HOMER1: variants seen among roughly 807,000 people sequenced by gnomAD.
The protein encoded by HOMER1 is homer protein homolog 1.
Under a neutral mutation model 48.9 loss-of-function variants are expected in HOMER1, and 3 were observed. That is an observed-to-expected ratio of 0.06 (90% confidence interval 0.03 to 0.16). The LOEUF is 0.16. HOMER1 is among the 10% of genes least tolerant of loss of function. The pLI, the probability that HOMER1 is intolerant of heterozygous loss-of-function variation, is 1.00. For missense variants in HOMER1, 247 were observed against 411.4 expected (o/e 0.60, Z 3.46); for synonymous variants, 134 against 146.4 (o/e 0.92, Z 0.61).
chr5:79,490,979 A>G (rs1307324016), intron 1 of HOMER1, among the ~76,000 whole-genome samples: 1 of 149,974 alleles, frequency 6.7e-6, no homozygotes, highest in African/African-American at 2.5e-5. Context: ...GAAATATAAT[A>G]CAAGGGAAAA....
intron 8 of HOMER1, among the ~76,000 whole-genome samples, chr5:79,396,493 C>G (rs191068824): frequency 4.0e-4 from 61 of 152,044 alleles, no homozygotes; most frequent in African/African-American, 1.4e-3. Context: ...AGTGATCCTC[C>G]TCCTCAGCAT....
chr5:79,495,105 A>C (rs1475773394), intron 1 of HOMER1, among the ~76,000 whole-genome samples: 1 of 152,212 alleles, frequency 6.6e-6, no homozygotes, highest in African/African-American at 2.4e-5. Flanking sequence ...TAATTTTATA[A>C]ATATACACAT....
intron 4 of HOMER1, among the ~76,000 whole-genome samples, chr5:79,446,361 C>G (rs369766609): frequency 2.6e-5 from 4 of 152,270 alleles, no homozygotes; most frequent in African/African-American, 9.6e-5. Flanking sequence ...CGGCTTTCCC[C>G]TCACTCCTGC....
chr5:79,379,131 A>ATTTT (rs1748871538), intron 8 of HOMER1, among the ~76,000 whole-genome samples: 1 of 105,076 alleles, frequency 9.5e-6, no homozygotes, highest in African/African-American at 3.8e-5. Flanking sequence ...ATAAATATTT[A>ATTTT]TTTATATATA....
At chr5:79,459,715 C>G (rs6862377) in intron 1 of HOMER1, among the ~76,000 whole-genome samples, 40,511 of 152,090 alleles carry the variant, frequency 0.27, 5,538 homozygotes, top group South Asian at 0.39. Flanking sequence ...AATTTGGTGA[C>G]AAAAGATGGA....
chr5:79,462,443 A>G (rs1751341610), intron 1 of HOMER1, among the ~76,000 whole-genome samples: 1 of 152,240 alleles, frequency 6.6e-6, no homozygotes, highest in South Asian at 2.1e-4. Context: ...TACTACATAC[A>G]GTGATGGATG....
At chr5:79,414,255 TTTTG>T (rs1274678226) in intron 5 of HOMER1, among the ~76,000 whole-genome samples, 5 of 110,174 alleles carry the variant, frequency 4.5e-5, no homozygotes, top group African/African-American at 1.8e-4. Flanking sequence ...TAATTTTTGC[TTTTG>T]TTTTTGTTTT....
intron 8 of HOMER1, among the ~76,000 whole-genome samples, chr5:79,395,188 A>G (rs189048479): frequency 1.2e-4 from 19 of 152,338 alleles, no homozygotes; most frequent in African/African-American, 4.3e-4. Flanking sequence ...GAGCTAATGT[A>G]AGTTAAGTGC....
intron 1 of HOMER1, among the ~76,000 whole-genome samples, chr5:79,485,021 A>G (rs969736087): frequency 1.2e-4 from 18 of 152,156 alleles, no homozygotes; most frequent in African/African-American, 4.1e-4. Context: ...TTCCCTGCCC[A>G]GTCTGCTGGG....
In HOMER1 at chr5:79,430,844, G is replaced by GT. The variant is rs1233154150; in HGVS notation, c.527+8165_527+8166insA. ...CCCAGCTACTCGGGAAGCTGAGGCA[G>GT]GAGAATTGCTTGAACCCAGGAGGCG... is the stretch of plus-strand genomic sequence containing the variant. On this transcript the variant is annotated intron_variant, in intron 5 of 8. Coordinates refer to ENST00000334082, the MANE Select transcript of HOMER1 (RefSeq NM_004272.5). 8.1e-5 allele frequency among the ~76,000 whole-genome samples: 7 copies of GT among 86,822 alleles called. No individual in the cohort carries two copies. The South Asian group carries it at 2.7e-3, about 34-fold the overall frequency. The allele number at this position is 86,822 out of a possible 152,430, so 57.0% of individuals were successfully genotyped here. A position where few individuals can be genotyped will look rare whatever the true frequency, so the allele number is the denominator to read the frequency against.
intron 1 of HOMER1, among the ~76,000 whole-genome samples, chr5:79,492,972 G>A (rs1445868396): frequency 7.2e-6 from 1 of 139,690 alleles, no homozygotes; most frequent in Non-Finnish European, 1.5e-5. Flanking sequence ...AGGCTGGAGT[G>A]CAGTGGCACG....
At chr5:79,436,120 G>A (rs1417623453) in intron 5 of HOMER1, among the ~76,000 whole-genome samples, 4 of 147,366 alleles carry the variant, frequency 2.7e-5, no homozygotes, top group African/African-American at 1.0e-4. Flanking sequence ...GCGACAGAGC[G>A]AGACTCCGTC....
intron 1 of HOMER1, among the ~76,000 whole-genome samples, chr5:79,461,235 A>G (rs1751309610): frequency 6.6e-6 from 1 of 152,252 alleles, no homozygotes; most frequent in Admixed American, 6.5e-5. Flanking sequence ...TGAACTCTTA[A>G]AAAGCTATCT....
At chr5:79,426,050 A>C (rs1167546294) in intron 5 of HOMER1, among the ~76,000 whole-genome samples, 12 of 151,974 alleles carry the variant, frequency 7.9e-5, no homozygotes, top group African/African-American at 2.2e-4. Flanking sequence ...AAATTGAAAA[A>C]AAAAAAAACC....
intron 8 of HOMER1, among the ~76,000 whole-genome samples, chr5:79,391,580 T>TA (rs1173249246): frequency 1.2e-4 from 18 of 151,282 alleles, no homozygotes; most frequent in East Asian, 3.9e-4. Flanking sequence ...CCGTCTCTGC[T>TA]AAAAAAATGC....
intron 5 of HOMER1, among the ~76,000 whole-genome samples, chr5:79,425,314 T>C (rs1750216294): frequency 6.6e-6 from 1 of 151,892 alleles, no homozygotes; most frequent in Non-Finnish European, 1.5e-5. Context: ...ATCCAGTAGA[T>C]ATCAGGATGT....
chr5:79,446,958 AT>A (rs1750903396), intron 4 of HOMER1, 94 bp downstream of exon 4: 1 of 790,580 alleles, frequency 1.3e-6, no homozygotes, highest in Non-Finnish European at 2.1e-6. Context: ...TAAAGGGTGC[AT>A]TTCTGTGTGT....
intron 8 of HOMER1, among the ~76,000 whole-genome samples, chr5:79,391,377 G>T (rs1366122407): frequency 6.6e-6 from 1 of 151,486 alleles, no homozygotes; most frequent in African/African-American, 2.4e-5. Flanking sequence ...CAATCTTCCC[G>T]CCGTGGTCTC....
chr5:79,452,524 G>GAT (rs1466782328), intron 2 of HOMER1, among the ~76,000 whole-genome samples: 2 of 152,166 alleles, frequency 1.3e-5, no homozygotes, highest in African/African-American at 4.8e-5. Flanking sequence ...AATGTGGAAT[G>GAT]ATACATCAAG....
Sources: gnomAD v4.1 joint callset for allele counts (sites outside exome capture counted in the v4.1 genomes callset) on GRCh38, gnomAD v4.1.1 for gene constraint, MANE v1.5 for transcripts, NCBI Gene and HGNC (gene_info 2026-07-23, HGNC 2026-07-21) for gene names.